Variants in ERBIN observed in about 807,000 individuals in gnomAD.
The protein encoded by ERBIN is densin-180-like protein.
A neutral mutation model predicts 158.4 loss-of-function variants in ERBIN; 60 were observed. The ratio of observed to expected loss-of-function variants is 0.38; its 90% CI spans 0.31 to 0.47. The LOEUF (loss-of-function observed/expected upper bound fraction) is 0.47, where lower values mean the gene tolerates loss of function less well. ERBIN is among the 20% of genes least tolerant of loss of function. The pLI is 0.99. For missense variants in ERBIN, 1,610 were observed against 1,648.0 expected, an observed-to-expected ratio of 0.98 and a Z score of 0.40; for synonymous variants, 594 against 557.2, an observed-to-expected ratio of 1.07 and a Z score of -0.93.
chr5:66,067,703 A>C (rs1187561257), intron 21 of ERBIN, among the ~76,000 whole-genome samples: 1 of 152,120 alleles, frequency 6.6e-6, no homozygotes, highest in Non-Finnish European at 1.5e-5. Flanking sequence ...AATGGGGAAA[A>C]TTTGCCACAC....
At chr5:65,986,672 T>C (rs1270228609) in intron 1 of ERBIN, among the ~76,000 whole-genome samples, 1 of 152,260 alleles carries the variant, frequency 6.6e-6, no homozygotes, top group African/African-American at 2.4e-5. Flanking sequence ...TGTCTCACTT[T>C]GGAATGTGTT....
intron 1 of ERBIN, among the ~76,000 whole-genome samples, chr5:65,952,724 A>G (rs538661235): frequency 3.9e-5 from 6 of 152,270 alleles, no homozygotes; most frequent in African/African-American, 1.2e-4. Flanking sequence ...TTGTATATTA[A>G]TTTGTCTTAA....
At chr5:65,932,255 C>G (rs982813982) in intron 1 of ERBIN, among the ~76,000 whole-genome samples, 1 of 151,358 alleles carries the variant, frequency 6.6e-6, no homozygotes, top group Non-Finnish European at 1.5e-5. Flanking sequence ...AGGAGAATTG[C>G]CTGAACTCGG....
intron 4 of ERBIN, among the ~76,000 whole-genome samples, 200 bp from the exon 5 acceptor site, chr5:66,011,849 A>G (rs1300157373): frequency 6.6e-6 from 1 of 152,222 alleles, no homozygotes; most frequent in Non-Finnish European, 1.5e-5. Flanking sequence ...ATTAGCAGTT[A>G]TAAAGAGGCA....
At chr5:65,928,374 C>A (rs1029388552) in intron 1 of ERBIN, among the ~76,000 whole-genome samples, 2 of 152,056 alleles carry the variant, frequency 1.3e-5, no homozygotes, top group African/African-American at 4.8e-5. Context: ...TATCATTAGG[C>A]TGCAAAAGAG....
At chr5:65,994,297 G>A (rs75475724) in intron 3 of ERBIN, among the ~76,000 whole-genome samples, 26 of 152,136 alleles carry the variant, frequency 1.7e-4, no homozygotes, top group Non-Finnish European at 2.6e-4. Flanking sequence ...TGGTTTAGGG[G>A]TTTTGGTGAA....
intron 21 of ERBIN, among the ~76,000 whole-genome samples, chr5:66,058,948 G>A (rs190650338): frequency 0.017 from 2,660 of 152,146 alleles, 80 homozygotes; most frequent in African/African-American, 0.061. Flanking sequence ...GCCTTGTAGT[G>A]TAGTTTGAAG....
At chr5:66,068,773 C>T (rs1761255296) in intron 21 of ERBIN, 6 of 1,004,668 alleles carry the variant, frequency 6.0e-6, no homozygotes, top group South Asian at 5.1e-5. Flanking sequence ...CATGATACTT[C>T]TCTGGTTTTG....
chr5:66,003,652 G>C (rs767988565), intron 4 of ERBIN, among the ~76,000 whole-genome samples: 7 of 152,056 alleles, frequency 4.6e-5, no homozygotes, highest in Non-Finnish European at 8.8e-5. Context: ...ATATATCATG[G>C]TTACAGAATG....
chr5:66,014,423 G>A (rs147258253), intron 6 of ERBIN, among the ~76,000 whole-genome samples: 15 of 152,236 alleles, frequency 9.9e-5, no homozygotes, highest in Non-Finnish European at 1.6e-4. Flanking sequence ...TTGATACTTT[G>A]GGATATTCAC....
At chr5:65,939,607 G>A (rs1744553479) in intron 1 of ERBIN, among the ~76,000 whole-genome samples, 1 of 152,086 alleles carries the variant, frequency 6.6e-6, no homozygotes, top group South Asian at 2.1e-4. Context: ...GCCGAAGCTG[G>A]ACTGTACTGC....
chr5:66,024,297 T>C lies in ERBIN; in HGVS notation c.673-9T>C. 1 of 1,469,146 alleles carries C rather than the reference T, an allele frequency of 6.8e-7. No homozygotes were observed. Among genetic ancestry groups the C allele is most frequent in the Non-Finnish European group, 9.2e-7 (1 of 1,081,620 alleles). 91.0% of individuals were successfully genotyped at this position (1,469,146 alleles called of 1,614,324 possible). On this transcript the variant is annotated splice_polypyrimidine_tract_variant and intron_variant, in intron 9 of 25. Coordinates refer to ENST00000284037, the MANE Select transcript of ERBIN (RefSeq NM_001253697.2). Reference sequence around the variant, plus strand: ...ATAGAGTCATTAGATTTTCTTTTTTTACTTATAGTTTATTGGTAGTTTGAA... The same window carrying C: ...ATAGAGTCATTAGATTTTCTTTTTTCACTTATAGTTTATTGGTAGTTTGAA...
intron 1 of ERBIN, among the ~76,000 whole-genome samples, chr5:65,970,646 C>G (rs909903859): frequency 1.3e-5 from 2 of 152,138 alleles, no homozygotes; most frequent in African/African-American, 4.8e-5. Context: ...TGAGTGCAGT[C>G]GTGAATCATA....
intron 8 of ERBIN, 102 bp from the exon 9 acceptor site, chr5:66,023,188 G>T: frequency 1.3e-6 from 1 of 799,630 alleles, no homozygotes; most frequent in African/African-American, 1.8e-5. Flanking sequence ...TTAATGATTT[G>T]AAACTAAAGG....
rs1172681286 is a variant in ERBIN, at chr5:65,940,568, GCGCCTCTGCCCGGCCGCCC to G, written c.-58+13764_-58+13782del. Reference sequence around the variant, plus strand: ...AGCCGCCCCGTCCGGGAGGTGAGGGGCGCCTCTGCCCGGCCGCCCCTACTGGGAAGTGAGGAGCCCCTCT... The same window carrying G: ...AGCCGCCCCGTCCGGGAGGTGAGGGGCTACTGGGAAGTGAGGAGCCCCTCT... On this transcript the variant is annotated intron_variant, in intron 1 of 25. Transcript: ENST00000284037. Among the ~76,000 whole-genome samples, 293 of 133,528 alleles carry G rather than the reference GCGCCTCTGCCCGGCCGCCC, an allele frequency of 2.2e-3. 7 individuals carry two copies. The highest frequency in any genetic ancestry group is 8.9e-3 in the African/African-American group (278 of 31,248). 87.6% of individuals were successfully genotyped at this position (133,528 alleles called of 152,430 possible).
chr5:65,966,455 C>T (rs748094366), intron 1 of ERBIN, among the ~76,000 whole-genome samples: 5 of 151,914 alleles, frequency 3.3e-5, no homozygotes, highest in Non-Finnish European at 5.9e-5. Context: ...CCAAGGTGGG[C>T]GGATCACCTG....
At chr5:66,024,967 A>G (rs961301628) in intron 10 of ERBIN, among the ~76,000 whole-genome samples, 1 of 152,112 alleles carries the variant, frequency 6.6e-6, no homozygotes, top group Non-Finnish European at 1.5e-5. Context: ...TAAATCACGT[A>G]GTGGTTTTAG....
chr5:65,977,841 C>T (rs977215375), intron 1 of ERBIN, among the ~76,000 whole-genome samples: 11 of 152,252 alleles, frequency 7.2e-5, no homozygotes, highest in African/African-American at 2.2e-4. Context: ...GCCGAGATCA[C>T]GCCACTGCAC....
At chr5:65,964,077 G>A (rs897645325) in intron 1 of ERBIN, among the ~76,000 whole-genome samples, 4 of 152,150 alleles carry the variant, frequency 2.6e-5, no homozygotes, top group Non-Finnish European at 4.4e-5. Flanking sequence ...GGGATTACAG[G>A]CGTGAGCCAC....
Sources: gnomAD v4.1 joint callset for allele counts (sites outside exome capture counted in the v4.1 genomes callset) on GRCh38, gnomAD v4.1.1 for gene constraint, MANE v1.5 for transcripts, NCBI Gene and HGNC (gene_info 2026-07-23, HGNC 2026-07-21) for gene names.